RBM6: variants seen among roughly 807,000 people sequenced by gnomAD.
The protein encoded by RBM6 is RNA binding motif protein 6.
RBM6 carries 23 observed loss-of-function variants against 140.4 expected under a neutral mutation model. The ratio of observed to expected loss-of-function variants is 0.16; its 90% CI spans 0.12 to 0.23. RBM6 has a LOEUF of 0.23. Among genes scored for constraint, RBM6 ranks in the 10% least tolerant of loss-of-function variants. The pLI, the probability that RBM6 is intolerant of heterozygous loss-of-function variation, is 1.00. For missense variants in RBM6, 1,139 were observed against 1,386.7 expected, an observed-to-expected ratio of 0.82 and a Z score of 2.84; for synonymous variants, 439 against 475.6, an observed-to-expected ratio of 0.92 and a Z score of 1.00.
intron 20 of RBM6, among the ~76,000 whole-genome samples, chr3:50,076,696 GC>G (rs1415198763): frequency 6.6e-6 from 1 of 151,838 alleles, no homozygotes; most frequent in African/African-American, 2.4e-5. Flanking sequence ...GACCAGCCTG[GC>G]CAACATGGCG....
intron 6 of RBM6, among the ~76,000 whole-genome samples, chr3:50,046,583 GAAAAA>G (rs75244837): frequency 3.2e-5 from 4 of 124,226 alleles, no homozygotes; most frequent in Admixed American, 8.3e-5. Context: ...CTGTCTCAGG[GAAAAA>G]AAAAAAAAAA....
intron 5 of RBM6, among the ~76,000 whole-genome samples, chr3:49,987,875 G>A (rs956950993): frequency 6.6e-6 from 1 of 152,114 alleles, no homozygotes; most frequent in African/African-American, 2.4e-5. Context: ...CTGACTTCAG[G>A]TGATCCACCC....
chr3:50,072,099 A>AG (rs2090320599), intron 19 of RBM6, among the ~76,000 whole-genome samples: 1 of 146,354 alleles, frequency 6.8e-6, no homozygotes, highest in African/African-American at 2.5e-5. Flanking sequence ...AAAAAAAAAA[A>AG]AAAAAAGAAA....
chr3:50,016,204 C>G (rs577110440), intron 6 of RBM6, among the ~76,000 whole-genome samples: 2 of 152,314 alleles, frequency 1.3e-5, no homozygotes, highest in East Asian at 3.9e-4. Context: ...ATTTGTCTTT[C>G]TGTACCTAGT....
intron 5 of RBM6, among the ~76,000 whole-genome samples, chr3:49,981,013 C>G (rs1324795021): frequency 1.3e-5 from 2 of 151,862 alleles, no homozygotes; most frequent in African/African-American, 2.4e-5. Flanking sequence ...AGCGATTCTC[C>G]TGCCTCAGCC....
At position 49,988,087 on chromosome 3, in the gene RBM6, T is replaced by C. The variant is rs1444342816; in HGVS notation, c.1484-11353T>C. On this transcript the variant is annotated intron_variant, in intron 5 of 20. Transcript: ENST00000266022. ...CATTTGTGGGACTCAACTGATTTTGTTGAGTATTGATTTTGCTGTGGGATT... is the reference window on the plus strand; with the variant it reads ...CATTTGTGGGACTCAACTGATTTTGCTGAGTATTGATTTTGCTGTGGGATT... Among the ~76,000 whole-genome samples the C allele has an allele frequency of 2.6e-5, 4 of 152,212 alleles. No homozygotes were observed. The East Asian group carries it at 7.7e-4, about 29-fold the overall frequency.
chr3:49,977,865 C>A (rs1021675988), intron 5 of RBM6, among the ~76,000 whole-genome samples: 2 of 152,128 alleles, frequency 1.3e-5, no homozygotes, highest in African/African-American at 4.8e-5. Flanking sequence ...ACCTGTAGTC[C>A]TAGCTACTTG....
At chr3:50,005,774 C>T (rs1365023067) in intron 6 of RBM6, among the ~76,000 whole-genome samples, 1 of 152,174 alleles carries the variant, frequency 6.6e-6, no homozygotes, top group Admixed American at 6.5e-5. Flanking sequence ...CAGAGCTCAA[C>T]TGTATAACTT....
chr3:49,942,136 A>AT, intron 1 of RBM6, among the ~76,000 whole-genome samples: 1 of 151,422 alleles, frequency 6.6e-6, no homozygotes, highest in African/African-American at 2.4e-5. Flanking sequence ...TGTGGTAAAT[A>AT]TATATTTTTA....
rs2089858799 is a variant in RBM6, at chr3:50,059,659, G to A, written c.2141G>A (p.Arg714His). The change falls in exon 11 of 21, where the codon CGT becomes CAT. Residue 714 changes from arginine to histidine, a missense_variant. This residue lies in a region of RBM6 where 47 missense variants were observed against 117.6 expected (regional missense o/e 0.40). Coordinates refer to ENST00000266022, the MANE Select transcript of RBM6 (RefSeq NM_005777.3). Reference sequence around the variant, plus strand: ...TGTCTGGTTCTATAGGAAGCTCTTCGTGTGGTGAAGATCTTACAGAACCTT... The same window carrying A: ...TGTCTGGTTCTATAGGAAGCTCTTCATGTGGTGAAGATCTTACAGAACCTT... The part of the protein sequence containing the change: ...IDLDSHAEAL[R>H]VVKILQNLDP... The A allele has an allele frequency of 5.6e-6, 9 of 1,613,400 alleles. No individual in the cohort carries two copies. The highest frequency in any genetic ancestry group is 7.6e-6 in the Non-Finnish European group (9 of 1,179,604).
chr3:49,957,007 G>T (rs1372153865), intron 1 of RBM6, among the ~76,000 whole-genome samples: 1 of 151,992 alleles, frequency 6.6e-6, no homozygotes, highest in African/African-American at 2.4e-5. Flanking sequence ...TTAAGAGGGA[G>T]GGTCTTGCTG....
intron 5 of RBM6, among the ~76,000 whole-genome samples, chr3:49,987,595 A>T (rs13060128): frequency 6.6e-6 from 1 of 151,312 alleles, no homozygotes; most frequent in Admixed American, 6.6e-5. Context: ...GGGATTACGG[A>T]CATAAGATAC....
In RBM6 at chr3:49,999,554, T is replaced by A. The variant is rs776458536; in HGVS notation, c.1557+41T>A. 3 of 1,469,308 alleles carry A rather than the reference T, an allele frequency of 2.0e-6. No homozygotes were observed. In the South Asian group the frequency reaches 3.4e-5, roughly 17 times the overall value. 91.0% of individuals were successfully genotyped at this position (1,469,308 alleles called of 1,614,324 possible). A position where few individuals can be genotyped will look rare whatever the true frequency, so the allele number is the denominator to read the frequency against. ...GGTCAAATGATGCTGGAAGGATATATTTTTTTATATATGGGGAGGGAGGGT... is the reference window on the plus strand; with the variant it reads ...GGTCAAATGATGCTGGAAGGATATAATTTTTTATATATGGGGAGGGAGGGT... On this transcript the variant is annotated intron_variant, in intron 6 of 20. Coordinates refer to ENST00000266022, the MANE Select transcript of RBM6 (RefSeq NM_005777.3).
intron 7 of RBM6, among the ~76,000 whole-genome samples, chr3:50,053,715 C>CA (rs2089580577): frequency 6.6e-6 from 1 of 152,164 alleles, no homozygotes; most frequent in Non-Finnish European, 1.5e-5. Flanking sequence ...AGCTCAGTGG[C>CA]AAAAGTTCAG....
chr3:49,984,665 T>TCGCATC (rs2085482315), intron 5 of RBM6, among the ~76,000 whole-genome samples: 1 of 132,802 alleles, frequency 7.5e-6, no homozygotes, highest in Non-Finnish European at 1.7e-5. Context: ...CGCATCGCAT[T>TCGCATC]GCATCACATC....
At chr3:50,003,372 A>G (rs2108747064) in intron 6 of RBM6, among the ~76,000 whole-genome samples, 1 of 151,878 alleles carries the variant, frequency 6.6e-6, no homozygotes, top group African/African-American at 2.4e-5. Context: ...CTTACAGACC[A>G]AATTGGTATG....
intron 5 of RBM6, among the ~76,000 whole-genome samples, chr3:49,976,289 A>G (rs6785500): frequency 0.04 from 6,150 of 152,268 alleles, 405 homozygotes; most frequent in African/African-American, 0.14. Context: ...CATTAACTAG[A>G]TAACTTCTTC....
At chr3:50,005,900 G>C (rs1334581776) in intron 6 of RBM6, among the ~76,000 whole-genome samples, 1 of 152,028 alleles carries the variant, frequency 6.6e-6, no homozygotes, top group Non-Finnish European at 1.5e-5. Context: ...TGAGTGTATA[G>C]GTTCATAACC....
chr3:50,000,577 C>T (rs1157050105), intron 6 of RBM6, among the ~76,000 whole-genome samples: 7 of 151,742 alleles, frequency 4.6e-5, no homozygotes, highest in African/African-American at 9.7e-5. Flanking sequence ...TGCGCCACCA[C>T]GCCGGCTAAT....
Sources: allele counts gnomAD v4.1 joint callset (sites outside exome capture counted in the v4.1 genomes callset), GRCh38; gene constraint gnomAD v4.1.1; regional missense constraint gnomAD v4.1.1; transcripts MANE v1.5; gene names NCBI Gene and HGNC (gene_info 2026-07-23, HGNC 2026-07-21).